RFC3: variants seen among roughly 807,000 people sequenced by gnomAD.
RFC3 encodes replication factor C subunit 3.
Under a neutral mutation model 45.1 loss-of-function variants are expected in RFC3, and 41 were observed. The ratio of observed to expected loss-of-function variants is 0.91; its 90% CI spans 0.71 to 1.18. The LOEUF is 1.18. Ranked by LOEUF, RFC3 falls within the 50% of genes most tolerant of loss-of-function variation. The pLI, the probability that RFC3 is intolerant of heterozygous loss-of-function variation, is 0.00. For missense variants in RFC3, 423 were observed against 428.1 expected (o/e 0.99, Z 0.10); for synonymous variants, 149 against 144.0 (o/e 1.03, Z -0.25).
chr13:33,832,760 CTTTTATAAAATAT>C (rs569930424), intron 7 of RFC3, among the ~76,000 whole-genome samples: 2 of 152,226 alleles, frequency 1.3e-5, no homozygotes, highest in African/African-American at 4.8e-5. Context: ...GTGCCTTTTA[CTTTTATAAAATAT>C]TTCTACACTG....
chr13:33,975,623 A>C, the RFC3 span, among the ~76,000 whole-genome samples: 2 of 152,210 alleles, frequency 1.3e-5, no homozygotes, highest in Non-Finnish European at 2.9e-5. Context: ...TGTACGAAAC[A>C]AGCTCACTGA....
intron 8 of RFC3, among the ~76,000 whole-genome samples, chr13:33,866,575 T>A (rs908025242): frequency 2.9e-4 from 44 of 152,230 alleles, no homozygotes; most frequent in Admixed American, 3.9e-4. Context: ...TTCTCAGCCC[T>A]GAGCCACATC....
At chr13:33,889,210 A>G (rs191077436) in intron 8 of RFC3, among the ~76,000 whole-genome samples, 70 of 152,302 alleles carry the variant, frequency 4.6e-4, no homozygotes, top group African/African-American at 1.6e-3. Flanking sequence ...TATGTTCACT[A>G]CACTATTCTT....
intron 8 of RFC3, among the ~76,000 whole-genome samples, chr13:33,928,455 A>C (rs1157123476): frequency 6.6e-6 from 1 of 152,124 alleles, no homozygotes; most frequent in Non-Finnish European, 1.5e-5. Context: ...AGGCTTAGAG[A>C]GAGTTCACTC....
At chr13:33,976,662 T>C in the RFC3 span, among the ~76,000 whole-genome samples, 1 of 152,088 alleles carries the variant, frequency 6.6e-6, no homozygotes, top group East Asian at 1.9e-4. Context: ...TATCAAAATA[T>C]CACATGTACC....
chr13:33,930,877 C>T (rs2082847629), intron 8 of RFC3, among the ~76,000 whole-genome samples: 3 of 152,070 alleles, frequency 2.0e-5, no homozygotes, highest in Non-Finnish European at 1.5e-5. Context: ...TTCTCTCTTC[C>T]TTTAGTTCTT....
At chr13:33,881,438 G>A (rs189104877) in intron 8 of RFC3, among the ~76,000 whole-genome samples, 4 of 152,292 alleles carry the variant, frequency 2.6e-5, no homozygotes, top group East Asian at 1.9e-4. Flanking sequence ...CTTACACTGC[G>A]AGGAGGGATA....
chr13:33,867,870 T>A (rs2082383821), intron 8 of RFC3, among the ~76,000 whole-genome samples: 1 of 152,242 alleles, frequency 6.6e-6, no homozygotes, highest in South Asian at 2.1e-4. Flanking sequence ...ATATTTTGAC[T>A]AATTTTCTTT....
chr13:33,850,910 CT>C (rs1159839113), intron 8 of RFC3: 1 of 152,084 alleles, frequency 6.6e-6, no homozygotes, highest in East Asian at 1.9e-4. Context: ...GAAAACATAA[CT>C]AAGACAATTC....
rs1347162426 is a variant in RFC3, at chr13:33,925,533, TAC to T, written c.880-40552_880-40551del. Among the ~76,000 whole-genome samples the T allele has an allele frequency of 2.0e-5, 3 of 146,420 alleles. 1 individual carries two copies. The highest frequency in any genetic ancestry group is 5.0e-5 in the African/African-American group (2 of 40,036). ...ATACATAGTGTACTATATACATACA[TAC>T]ATAGTGTACTATATACATACATACA... On this transcript the variant is annotated intron_variant, in intron 8 of 8. Coordinates refer to the RFC3 transcript ENST00000434425.
At chr13:33,834,391 CTT>C (rs796351523) in intron 7 of RFC3, among the ~76,000 whole-genome samples, 6 of 128,634 alleles carry the variant, frequency 4.7e-5, no homozygotes, top group African/African-American at 1.8e-4. Context: ...AACTTTCTCT[CTT>C]TTTTTTTTTT....
chr13:33,884,658 C>T (rs1362135570), intron 8 of RFC3, among the ~76,000 whole-genome samples: 1 of 152,220 alleles, frequency 6.6e-6, no homozygotes, highest in East Asian at 1.9e-4. Flanking sequence ...AGCGGCCACT[C>T]TATCGAATAT....
intron 8 of RFC3, among the ~76,000 whole-genome samples, chr13:33,919,845 C>A (rs939805546): frequency 6.6e-6 from 1 of 151,924 alleles, no homozygotes; most frequent in Non-Finnish European, 1.5e-5. Context: ...TCTAAATGGT[C>A]GTAGATAAAA....
chr13:33,944,661 T>C (rs2082944273), intron 8 of RFC3, among the ~76,000 whole-genome samples: 1 of 152,210 alleles, frequency 6.6e-6, no homozygotes, highest in African/African-American at 2.4e-5. Context: ...TAAAAATACA[T>C]TTAAATCATT....
intron 8 of RFC3, among the ~76,000 whole-genome samples, chr13:33,950,671 T>C (rs1002405593): frequency 2.6e-5 from 4 of 152,220 alleles, no homozygotes; most frequent in Non-Finnish European, 4.4e-5. Flanking sequence ...GAGATAGCTC[T>C]GATAACATCT....
At chr13:33,973,746 G>T in the RFC3 span, among the ~76,000 whole-genome samples, 1 of 150,448 alleles carries the variant, frequency 6.6e-6, no homozygotes, top group African/African-American at 2.5e-5. Context: ...TGCCTCCTTA[G>T]TTCAACCGAT....
intron 8 of RFC3, among the ~76,000 whole-genome samples, chr13:33,911,377 C>G (rs577429955): frequency 9.2e-5 from 14 of 152,176 alleles, no homozygotes; most frequent in African/African-American, 3.1e-4. Context: ...CTCTCCATGA[C>G]TTATACTCTT....
intron 2 of RFC3, among the ~76,000 whole-genome samples, chr13:33,822,036 T>C (rs936963069): frequency 6.6e-6 from 1 of 152,226 alleles, no homozygotes; most frequent in Non-Finnish European, 1.5e-5. Context: ...TATTAGGCAT[T>C]GAAAAAATCA....
intron 8 of RFC3, among the ~76,000 whole-genome samples, chr13:33,940,457 A>C (rs2137800788): frequency 6.6e-6 from 1 of 152,312 alleles, no homozygotes; most frequent in Non-Finnish European, 1.5e-5. Context: ...GCATGTTGCT[A>C]ATTTTGGTAA....
Sources: gnomAD v4.1 joint callset for allele counts (sites outside exome capture counted in the v4.1 genomes callset) on GRCh38, gnomAD v4.1.1 for gene constraint, MANE v1.5 for transcripts, NCBI Gene and HGNC (gene_info 2026-07-23, HGNC 2026-07-21) for gene names.